MYT1L: variants seen among roughly 807,000 people sequenced by gnomAD.
MYT1L encodes myelin transcription factor 1 like.
A neutral mutation model predicts 126.7 loss-of-function variants in MYT1L; 12 were observed. That is an observed-to-expected ratio of 0.09 (90% CI 0.06 to 0.15). The LOEUF is 0.15. Among genes scored for constraint, MYT1L ranks in the 10% least tolerant of loss-of-function variants. MYT1L has a pLI of 1.00. For missense variants in MYT1L, 979 were observed against 1,585.2 expected, an observed-to-expected ratio of 0.62 and a Z score of 6.49; for synonymous variants, 541 against 604.2, an observed-to-expected ratio of 0.90 and a Z score of 1.53.
intron 3 of MYT1L, among the ~76,000 whole-genome samples, chr2:2,116,116 A>G (rs1349977831): frequency 6.6e-6 from 1 of 152,258 alleles, no homozygotes; most frequent in Admixed American, 6.5e-5. Flanking sequence ...TTCAATGAAC[A>G]CGTTCTGTCC....
rs1426509004 is a variant in MYT1L at position 1,806,184 on chromosome 2, T to C, written c.3172+2892A>G. Among the ~76,000 whole-genome samples, 1 of 152,156 alleles carries C rather than the reference T, an allele frequency of 6.6e-6. No homozygotes were observed. The highest frequency in any genetic ancestry group is 1.5e-5 in the Non-Finnish European group (1 of 68,028). On this transcript the variant is annotated intron_variant, in intron 22 of 24. Transcript: ENST00000647738. This position sits in a 1 kb window ranked among gnomAD's most constrained non-coding sequence, Gnocchi z 4.9. ...GTGCTCTGGGGGTAAGAAAGAACTA[T>C]CTCAGTTTGGTGCAAACAGTGTCAG...
chr2:1,943,149 T>A lies in MYT1L; in HGVS notation c.338A>T (p.Asp113Val), dbSNP rs1369809540. The change falls in exon 9 of 25, where the codon GAC becomes GTC. Residue 113 changes from aspartate to valine, a missense_variant. Physicochemically the swap from Asp to Val is radical, Grantham distance 152 (BLOSUM62 -3). Coordinates refer to ENST00000647738, the MANE Select transcript of MYT1L (RefSeq NM_001303052.2). This position sits in a 1 kb window ranked among gnomAD's most constrained non-coding sequence, Gnocchi z 4.4. ...EEDEGEEYSE[D>V]NDEPGDEDEE... ...GTCCTCATCCCCTGGCTCATCATTGTCCTCGGAGTACTCCTCCCCCTCATC... is the reference window on the plus strand; with the variant it reads ...GTCCTCATCCCCTGGCTCATCATTGACCTCGGAGTACTCCTCCCCCTCATC... 4.5e-6 allele frequency: 7 copies of A among 1,539,254 alleles called. No individual in the cohort carries two copies. Among genetic ancestry groups the A allele is most frequent in the Middle Eastern group, 1.7e-4 (1 of 6,006 alleles).
In MYT1L at chr2:2,295,783, G is replaced by C. The variant is rs893980188; in HGVS notation, c.-520-11280C>G. Reference sequence around the variant, plus strand: ...ACAGACAGACAGAGAGAGAGATAGAGAGACAGACAGAGAGAGAGAGAGAGA... The same window carrying C: ...ACAGACAGACAGAGAGAGAGATAGACAGACAGACAGAGAGAGAGAGAGAGA... On this transcript the variant is annotated intron_variant, in intron 1 of 24. Transcript: ENST00000647738. Among the ~76,000 whole-genome samples the C allele has an allele frequency of 3.9e-4, 50 of 126,778 alleles. No homozygotes were observed. The East Asian group carries it at 6.8e-3, about 17-fold the overall frequency. 83.2% of individuals were successfully genotyped at this position (126,778 alleles called of 152,430 possible).
intron 1 of MYT1L, among the ~76,000 whole-genome samples, chr2:2,316,446 G>A (rs1429145366): frequency 6.6e-6 from 1 of 152,158 alleles, no homozygotes; most frequent in Non-Finnish European, 1.5e-5. Context: ...CCTAAATACT[G>A]CCTTTAAAAA....
intron 4 of MYT1L, among the ~76,000 whole-genome samples, chr2:1,998,526 A>G (rs2149624398): frequency 6.6e-6 from 1 of 152,276 alleles, no homozygotes; most frequent in South Asian, 2.1e-4. Flanking sequence ...TTCCTTGTGT[A>G]CTTAATTTTC....
At chr2:1,796,025 T>A (rs562809326) in intron 23 of MYT1L, among the ~76,000 whole-genome samples, 1 of 152,282 alleles carries the variant, frequency 6.6e-6, no homozygotes, top group South Asian at 2.1e-4. Flanking sequence ...TTTGCATTTT[T>A]TAGTGGTAAG....
chr2:1,974,259 CT>C (rs2060016085), intron 8 of MYT1L, among the ~76,000 whole-genome samples: 1 of 152,168 alleles, frequency 6.6e-6, no homozygotes, highest in African/African-American at 2.4e-5. Context: ...CCCCGGCCAC[CT>C]CTGAGTGTGG....
chr2:2,156,973 G>A (rs1422485669), intron 3 of MYT1L, among the ~76,000 whole-genome samples: 3 of 152,154 alleles, frequency 2.0e-5, no homozygotes, highest in Non-Finnish European at 4.4e-5. Flanking sequence ...CATCCGTTTG[G>A]GGGAAAATCT....
chr2:2,247,085 A>T (rs938944917), intron 2 of MYT1L, among the ~76,000 whole-genome samples: 1 of 152,198 alleles, frequency 6.6e-6, no homozygotes, highest in Admixed American at 6.5e-5. Flanking sequence ...TCCAATCAAA[A>T]GATAGAGAGT....
intron 3 of MYT1L, among the ~76,000 whole-genome samples, chr2:2,121,064 C>T (rs2080930921): frequency 6.6e-6 from 1 of 152,242 alleles, no homozygotes; most frequent in African/African-American, 2.4e-5. Flanking sequence ...GAGGTGCCCC[C>T]CAGCCCGTGG....
chr2:2,320,835 G>A (rs2096151024), intron 1 of MYT1L, among the ~76,000 whole-genome samples: 1 of 152,188 alleles, frequency 6.6e-6, no homozygotes, highest in Non-Finnish European at 1.5e-5. Flanking sequence ...GCTGCCATTA[G>A]CACATACAGC....
intron 2 of MYT1L, among the ~76,000 whole-genome samples, chr2:2,277,822 C>T (rs988502965): frequency 3.3e-5 from 5 of 152,066 alleles, no homozygotes; most frequent in Admixed American, 3.3e-4. Context: ...ACGATACAGC[C>T]AGTGTTATGG....
At chr2:2,005,293 G>T (rs377481368) in intron 4 of MYT1L, among the ~76,000 whole-genome samples, 10,804 of 78,482 alleles carry the variant, frequency 0.14, 533 homozygotes, top group Non-Finnish European at 0.18. Flanking sequence ...CTTTCCTGCA[G>T]GCGTTCTTTC....
At chr2:2,026,952 C>T (rs897190907) in intron 4 of MYT1L, among the ~76,000 whole-genome samples, 2 of 152,250 alleles carry the variant, frequency 1.3e-5, no homozygotes, top group African/African-American at 2.4e-5. Context: ...TCACGACCAG[C>T]GGAGCCCACA....
chr2:2,121,579 C>G (rs186319032), intron 3 of MYT1L, among the ~76,000 whole-genome samples: 1 of 152,076 alleles, frequency 6.6e-6, no homozygotes, highest in African/African-American at 2.4e-5. Context: ...CTCCGCCTTC[C>G]GGGTTCAAGC....
chr2:2,118,770 C>T (rs2080562396), intron 3 of MYT1L, among the ~76,000 whole-genome samples: 1 of 152,108 alleles, frequency 6.6e-6, no homozygotes, highest in South Asian at 2.1e-4. Flanking sequence ...TAACAATTAT[C>T]CATCAAATAC....
At chr2:2,038,652 T>A (rs1439689573) in intron 4 of MYT1L, among the ~76,000 whole-genome samples, 1 of 151,866 alleles carries the variant, frequency 6.6e-6, no homozygotes, top group African/African-American at 2.4e-5. Flanking sequence ...TAATGTGACG[T>A]TGCTTGTTTG....
At chr2:1,856,241 C>A (rs1051714502) in intron 18 of MYT1L, among the ~76,000 whole-genome samples, 1 of 152,122 alleles carries the variant, frequency 6.6e-6, no homozygotes, top group South Asian at 2.1e-4. Context: ...TCTGAGGAAC[C>A]CTTGGACTTG....
At chr2:2,229,595 C>T (rs1309151590) in intron 2 of MYT1L, among the ~76,000 whole-genome samples, 1 of 143,672 alleles carries the variant, frequency 7.0e-6, no homozygotes, top group Non-Finnish European at 1.5e-5. Context: ...GTGGAGATTT[C>T]TTTTTTTTTC....
Sources: allele counts gnomAD v4.1 joint callset (sites outside exome capture counted in the v4.1 genomes callset), GRCh38; gene constraint gnomAD v4.1.1; non-coding constraint Gnocchi (gnomAD v3.1); transcripts MANE v1.5; gene names NCBI Gene and HGNC (gene_info 2026-07-23, HGNC 2026-07-21).